Variants in TREH observed in about 807,000 individuals in gnomAD.
TREH encodes the protein alpha,alpha-trehalose glucohydrolase.
A neutral mutation model predicts 80.5 loss-of-function variants in TREH; 69 were observed. The ratio of observed to expected loss-of-function variants is 0.86; its 90% CI spans 0.71 to 1.05. The LOEUF (loss-of-function observed/expected upper bound fraction) is 1.05, where lower values mean the gene tolerates loss of function less well. Among genes scored for constraint, TREH ranks in the 50% least tolerant of loss-of-function variants. The pLI, the probability that TREH is intolerant of heterozygous loss-of-function variation, is 0.00. For missense variants in TREH, 716 were observed against 718.8 expected, an observed-to-expected ratio of 1.00 and a Z score of 0.04; for synonymous variants, 309 against 293.5, an observed-to-expected ratio of 1.05 and a Z score of -0.54.
chr11:118,676,784 A>AG (rs1555146909), intron 1 of TREH, among the ~76,000 whole-genome samples: 38 of 150,886 alleles, frequency 2.5e-4, no homozygotes, highest in African/African-American at 8.6e-4. Context: ...AAAAAAAGAA[A>AG]GAAAAAAACA....
At chr11:118,660,797 A>AC in intron 9 of TREH, 64 bp from the exon 10 acceptor site, 3 of 1,546,340 alleles carry the variant, frequency 1.9e-6, no homozygotes, top group South Asian at 2.4e-5. Flanking sequence ...TTGACAGGAG[A>AC]CCAGAGCCTG....
rs1555144766 is a variant in TREH at position 118,660,735 on chromosome 11, T to C, written c.908-2A>G. Reference sequence around the variant, plus strand: ...CAGCCCACAGAGCCTCCCGGTCTCCTGTGAGGACAGAGCAGGGAACCAGCC... The same window carrying C: ...CAGCCCACAGAGCCTCCCGGTCTCCCGTGAGGACAGAGCAGGGAACCAGCC... On this transcript the variant is annotated splice_acceptor_variant, in intron 9 of 14. Coordinates refer to ENST00000264029, the MANE Select transcript of TREH (RefSeq NM_007180.3). LOFTEE classifies it high-confidence loss of function. The C allele has an allele frequency of 6.4e-7, 1 of 1,573,016 alleles. No individual in the cohort carries two copies. Among genetic ancestry groups the C allele is most frequent in the South Asian group, 1.2e-5 (1 of 86,110 alleles).
In TREH at chr11:118,661,985, C is replaced by T. The variant is rs1555145110; in HGVS notation, c.429G>A (p.Lys143=). The change falls in exon 5 of 15, where the codon AAG becomes AAA. Residue 143 remains lysine (K), a synonymous_variant. Coordinates refer to ENST00000264029, the MANE Select transcript of TREH (RefSeq NM_007180.3). This position sits in a 1 kb window ranked among gnomAD's most constrained non-coding sequence, Gnocchi z 4.2. ...GCTCAGGGTGGCTGAGAACCTCTGG[C>T]TTCATCTGGAGTCGGGAGAGAGGGC... ...QLWKKLGKKM[K]PEVLSHPERF... The T allele has an allele frequency of 6.4e-7, 1 of 1,552,562 alleles. No individual in the cohort carries two copies. Among genetic ancestry groups the T allele is most frequent in the Non-Finnish European group, 8.7e-7 (1 of 1,147,474 alleles).
chr11:118,678,446 C>T (rs7481271), intron 1 of TREH, among the ~76,000 whole-genome samples: 151,163 of 152,026 alleles, frequency 0.99, 75,156 homozygotes, highest in Middle Eastern at 1. Flanking sequence ...TCACTGCAAC[C>T]TCCACATCCC....
At chr11:118,679,256 G>A (rs1555147188) in intron 1 of TREH, among the ~76,000 whole-genome samples, 1 of 152,060 alleles carries the variant, frequency 6.6e-6, no homozygotes, top group East Asian at 1.9e-4. Context: ...AGAATCTCTC[G>A]AACCCGGGAG....
At chr11:118,666,847 T>C (rs1555145727) in intron 1 of TREH, among the ~76,000 whole-genome samples, 2 of 152,174 alleles carry the variant, frequency 1.3e-5, no homozygotes, top group African/African-American at 2.4e-5. Context: ...GAAAAGCTGT[T>C]AAACAGAATA....
At chr11:118,670,805 C>T (rs1360342452) in intron 1 of TREH, among the ~76,000 whole-genome samples, 1 of 152,174 alleles carries the variant, frequency 6.6e-6, no homozygotes, top group African/African-American at 2.4e-5. Context: ...TATGGCTTTA[C>T]CCTTTCAGGC....
intron 1 of TREH, among the ~76,000 whole-genome samples, chr11:118,670,939 C>T (rs1048136233): frequency 5.3e-5 from 8 of 152,186 alleles, no homozygotes; most frequent in Admixed American, 2.0e-4. Context: ...TTCATTTATT[C>T]CCAGCTACTA....
intron 4 of TREH, 180 bp downstream of exon 4, chr11:118,662,701 G>C (rs1949337127): frequency 1.5e-6 from 1 of 652,270 alleles, no homozygotes; most frequent in African/African-American, 1.8e-5. Context: ...AGAAGTAGAT[G>C]CTGCCCTTCT....
At chr11:118,662,800 C>T in intron 4 of TREH, 81 bp downstream of exon 4, 1 of 1,486,816 alleles carries the variant, frequency 6.7e-7, no homozygotes. Flanking sequence ...GATCTGTGCT[C>T]CGAAGACACT....
Position 118,663,126 on chromosome 11 carries a change from C to T in TREH, c.261G>A (p.Gln87=), listed in dbSNP as rs1555145307. Residue 87 remains glutamine, a synonymous_variant, in exon 3 of 15, where the codon CAG becomes CAA. Transcript: ENST00000264029. ...CCTGGAAGTGTTCGTGGACAAACGC[C>T]TGCAGCTGCTCCCTGGGGATGCTGT... The part of the protein sequence containing the change: ...HNHSIPREQL[Q]AFVHEHFQAK... 1 of 1,613,868 alleles carries T rather than the reference C, an allele frequency of 6.2e-7. No homozygotes were observed. The highest frequency in any genetic ancestry group is 1.3e-5 in the African/African-American group (1 of 74,914).
chr11:118,660,561 C>T lies in TREH; in HGVS notation c.1080G>A (p.Met360Ile). 8 of 1,607,972 alleles carry T rather than the reference C, an allele frequency of 5.0e-6. No homozygotes were observed. The highest frequency in any genetic ancestry group is 6.8e-6 in the Non-Finnish European group (8 of 1,176,574). Reference sequence around the variant, plus strand: ...CACCCAGCCTGGAATAGAAGTTGCTCATCAGCTCCTCTGCTTGGCATAGGA... The same window carrying T: ...CACCCAGCCTGGAATAGAAGTTGCTTATCAGCTCCTCTGCTTGGCATAGGA... ...NAFLCQAEELMSNFYSRLGND... is the reference protein window; with the variant it reads ...NAFLCQAEELISNFYSRLGND... The change falls in exon 10 of 15, where the codon ATG becomes ATA. Residue 360 changes from methionine to isoleucine, a missense_variant. Transcript: ENST00000264029.
At chr11:118,673,480 G>C (rs1285327682) in intron 1 of TREH, among the ~76,000 whole-genome samples, 1 of 152,200 alleles carries the variant, frequency 6.6e-6, no homozygotes, top group Non-Finnish European at 1.5e-5. Context: ...CTGGCATTTT[G>C]TGCCTCAGCG....
intron 1 of TREH, among the ~76,000 whole-genome samples, chr11:118,668,666 G>A (rs1463911485): frequency 7.3e-5 from 11 of 151,692 alleles, no homozygotes; most frequent in African/African-American, 2.4e-4. Context: ...TGGGCTGGGC[G>A]CAGTGGCTCA....
intron 1 of TREH, among the ~76,000 whole-genome samples, chr11:118,673,028 C>T (rs536772893): frequency 4.6e-5 from 7 of 152,302 alleles, no homozygotes; most frequent in Admixed American, 2.6e-4. Context: ...CTAATAGGGA[C>T]AAACCCTTGA....
At chr11:118,659,629 C>G (rs1279671687) in intron 11 of TREH, 118 bp downstream of exon 11, 1 of 1,397,446 alleles carries the variant, frequency 7.2e-7, no homozygotes, top group Non-Finnish European at 9.7e-7. Context: ...CTGGTGGGAC[C>G]CGCAGGCTGG....
Position 118,661,504 on chromosome 11 carries a change from C to T in TREH, c.623G>A (p.Gly208Glu). Residue 208 changes from glycine (G) to glutamate (E), a missense_variant, in exon 7 of 15, where the codon GGG becomes GAG. Coordinates refer to ENST00000264029, the MANE Select transcript of TREH (RefSeq NM_007180.3). This position sits in a 1 kb window ranked among gnomAD's most constrained non-coding sequence, Gnocchi z 4.2. The stretch of plus-strand genomic sequence containing the variant: ...CACGCGCCCACCATTGGGGACATGC[C>T]CATAGCTGCCAAGGGGAAGGCCTGC... ...QNFLDLVKTY[G>E]HVPNGGRVYY... 2 of 1,613,370 alleles carry T rather than the reference C, an allele frequency of 1.2e-6. No individual in the cohort carries two copies. Among genetic ancestry groups the T allele is most frequent in the South Asian group, 1.1e-5 (1 of 90,990 alleles).
rs553762974 is a variant in TREH at position 118,668,489 on chromosome 11, G to T, written c.90-5050C>A. ...GAGGTGGCAGGATCGCTTGAGCCCA[G>T]GCAGGCAGAGGTTGCAGAGCCGTGA... On this transcript the variant is annotated intron_variant, in intron 1 of 14. Transcript: ENST00000264029. Among the ~76,000 whole-genome samples the T allele has an allele frequency of 0.01, 12 of 1,166 alleles. No individual in the cohort carries two copies. In the South Asian group the frequency reaches 0.12, roughly 12 times the overall value. The allele number at this position is 1,166 out of a possible 152,430, so 0.8% of individuals were successfully genotyped here.
rs1293722724 is a variant in TREH at position 118,674,521 on chromosome 11, A to G, written c.89+5018T>C. On this transcript the variant is annotated intron_variant, in intron 1 of 14. Transcript: ENST00000264029. This position sits in a 1 kb window ranked among gnomAD's most constrained non-coding sequence, Gnocchi z 4.4. ...AACCACTCCACATAAAACCTGTTCA[A>G]GCGCATACCACTTTTTTGTTTTGTT... Among the ~76,000 whole-genome samples the G allele has an allele frequency of 6.6e-6, 1 of 152,120 alleles. No homozygotes were observed. The highest frequency in any genetic ancestry group is 2.4e-5 in the African/African-American group (1 of 41,426).
Sources: allele counts gnomAD v4.1 joint callset (sites outside exome capture counted in the v4.1 genomes callset), GRCh38; gene constraint gnomAD v4.1.1; non-coding constraint Gnocchi (gnomAD v3.1); transcripts MANE v1.5; gene names NCBI Gene and HGNC (gene_info 2026-07-23, HGNC 2026-07-21).